Variants in SORCS2 observed in about 807,000 individuals in gnomAD.
SORCS2 encodes VPS10 domain-containing receptor SorCS2.
SORCS2 carries 100 observed loss-of-function variants against 141.6 expected under a neutral mutation model. That is an observed-to-expected ratio of 0.71 (90% CI 0.60 to 0.83). The LOEUF is 0.83. Among genes scored for constraint, SORCS2 ranks in the 40% least tolerant of loss-of-function variants. The probability of loss-of-function intolerance (pLI) is 0.00; values close to 1 mark genes in which losing one functional copy is unlikely to be tolerated. For missense variants in SORCS2, 1,646 were observed against 1,560.2 expected, an observed-to-expected ratio of 1.05 and a Z score of -0.93; for synonymous variants, 789 against 676.9, an observed-to-expected ratio of 1.17 and a Z score of -2.57.
Position 7,193,073 on chromosome 4 carries a change from G to A in SORCS2, c.427G>A (p.Gly143Arg). The A allele has an allele frequency of 6.4e-7, 1 of 1,559,968 alleles. No individual in the cohort carries two copies. The highest frequency in any genetic ancestry group is 8.6e-7 in the Non-Finnish European group (1 of 1,162,914). Reference sequence around the variant, plus strand: ...CATCAGCACGTCGTTCGTGCTCAAGGGGGACGCGACGCACAACCAGGCGAT... The same window carrying A: ...CATCAGCACGTCGTTCGTGCTCAAGAGGGACGCGACGCACAACCAGGCGAT... ...SLISTSFVLK[G>R]DATHNQAMVH... The change falls in exon 1 of 27, where the codon GGG (glycine) becomes AGG (arginine). Residue 143 changes from glycine (G) to arginine (R), a missense_variant. Coordinates refer to ENST00000507866, the MANE Select transcript of SORCS2 (RefSeq NM_020777.3). This position sits in a 1 kb window ranked among gnomAD's most constrained non-coding sequence, Gnocchi z 4.8.
At chr4:7,426,814 A>G (rs1726474101) in intron 2 of SORCS2, among the ~76,000 whole-genome samples, 1 of 152,104 alleles carries the variant, frequency 6.6e-6, no homozygotes, top group African/African-American at 2.4e-5. Context: ...GCCCTCCCGC[A>G]CCGGCAGTGA....
chr4:7,319,095 C>G (rs1490707603), intron 1 of SORCS2, among the ~76,000 whole-genome samples: 1 of 152,158 alleles, frequency 6.6e-6, no homozygotes, highest in Non-Finnish European at 1.5e-5. Context: ...AGCAGTATTC[C>G]ATTGTATGAA....
chr4:7,707,190 G>A (rs1725528557), intron 14 of SORCS2, among the ~76,000 whole-genome samples: 1 of 152,200 alleles, frequency 6.6e-6, no homozygotes, highest in Non-Finnish European at 1.5e-5. Flanking sequence ...CGTTTATTGA[G>A]CACCTATTAT....
intron 3 of SORCS2, among the ~76,000 whole-genome samples, chr4:7,569,486 T>A (rs1274189403): frequency 6.6e-6 from 1 of 152,148 alleles, no homozygotes; most frequent in Non-Finnish European, 1.5e-5. Context: ...CACTCCAGCC[T>A]GGGGGACAGA....
intron 1 of SORCS2, among the ~76,000 whole-genome samples, chr4:7,387,969 TAC>T (rs1209436104): frequency 1.2e-5 from 1 of 84,308 alleles, no homozygotes; most frequent in Middle Eastern, 7.0e-3. Context: ...CACACACAGA[TAC>T]ACAGAGATAC....
chr4:7,526,124 T>C (rs1426846954), intron 2 of SORCS2, among the ~76,000 whole-genome samples: 2 of 152,260 alleles, frequency 1.3e-5, no homozygotes. Context: ...GCTATGCAGG[T>C]GCCACGACCC....
intron 3 of SORCS2, among the ~76,000 whole-genome samples, chr4:7,617,869 C>T (rs965753344): frequency 4.6e-5 from 7 of 152,124 alleles, no homozygotes; most frequent in South Asian, 2.1e-4. Flanking sequence ...AGCCGCCTAC[C>T]GGTGCCGCCC....
At chr4:7,240,101 T>C (rs1712586720) in intron 1 of SORCS2, among the ~76,000 whole-genome samples, 1 of 151,880 alleles carries the variant, frequency 6.6e-6, no homozygotes, top group Admixed American at 6.6e-5. Context: ...CCTGGGAGAG[T>C]CCACCTGACG....
At position 7,510,605 on chromosome 4, in the gene SORCS2, C is replaced by T. The variant is rs558092944; in HGVS notation, c.549-20925C>T. Reference sequence around the variant, plus strand: ...GGCCAGCGGCTTGTTCTGTGCGCGGCATGTCCAGGAAATGCCACCCCGGGG... The same window carrying T: ...GGCCAGCGGCTTGTTCTGTGCGCGGTATGTCCAGGAAATGCCACCCCGGGG... On this transcript the variant is annotated intron_variant, in intron 2 of 26. Coordinates refer to ENST00000507866, the MANE Select transcript of SORCS2 (RefSeq NM_020777.3). 2.8e-4 allele frequency among the ~76,000 whole-genome samples: 43 copies of T among 151,056 alleles called. No individual in the cohort carries two copies. The South Asian group carries it at 8.8e-3, about 31-fold the overall frequency.
intron 10 of SORCS2, among the ~76,000 whole-genome samples, chr4:7,687,946 G>A (rs770192987): frequency 6.6e-6 from 1 of 152,108 alleles, no homozygotes; most frequent in South Asian, 2.1e-4. Flanking sequence ...CCCTGCTCCG[G>A]GCATTGCTCA....
At chr4:7,441,616 C>T (rs1049441035) in intron 2 of SORCS2, among the ~76,000 whole-genome samples, 10 of 151,808 alleles carry the variant, frequency 6.6e-5, no homozygotes. Flanking sequence ...GATCATCATC[C>T]ACCCCTTCCT....
At chr4:7,418,677 G>A (rs1725847067) in intron 2 of SORCS2, among the ~76,000 whole-genome samples, 1 of 148,190 alleles carries the variant, frequency 6.7e-6, no homozygotes, top group African/African-American at 2.5e-5. Flanking sequence ...TGATATATCA[G>A]TTAGCTTTTG....
chr4:7,631,621 A>G lies in SORCS2; in HGVS notation c.649-6707A>G, dbSNP rs183424340. On this transcript the variant is annotated intron_variant, in intron 3 of 26. Coordinates refer to ENST00000507866, the MANE Select transcript of SORCS2 (RefSeq NM_020777.3). ...GTACACCTCTCAGACCTACTCGGTG[A>G]TGTTTCTGTCTGCTGTGACCCCCCC... Among the ~76,000 whole-genome samples, 263 of 151,892 alleles carry G rather than the reference A, an allele frequency of 1.7e-3. 2 individuals are homozygous for G. The highest frequency in any genetic ancestry group is 6.1e-3 in the African/African-American group (252 of 41,294).
chr4:7,395,144 C>T (rs920899779), intron 1 of SORCS2, among the ~76,000 whole-genome samples: 3 of 140,372 alleles, frequency 2.1e-5, no homozygotes, highest in African/African-American at 8.0e-5. Context: ...CTGTAAGATG[C>T]ACACTGTCCC....
chr4:7,290,500 C>T (rs2108876526), intron 1 of SORCS2, among the ~76,000 whole-genome samples: 1 of 152,290 alleles, frequency 6.6e-6, no homozygotes, highest in East Asian at 1.9e-4. Context: ...ATGCTGCCAA[C>T]AGAATCCTCC....
intron 1 of SORCS2, among the ~76,000 whole-genome samples, chr4:7,323,874 G>A (rs1046369088): frequency 2.6e-5 from 4 of 152,002 alleles, no homozygotes; most frequent in African/African-American, 9.7e-5. Context: ...CGTCATTCCA[G>A]CTTCAGTTAT....
At chr4:7,275,501 G>A (rs990544890) in intron 1 of SORCS2, among the ~76,000 whole-genome samples, 2 of 152,192 alleles carry the variant, frequency 1.3e-5, no homozygotes, top group Non-Finnish European at 2.9e-5. Flanking sequence ...GGGTAAAGGG[G>A]CGACTTTGTA....
At chr4:7,498,159 G>T (rs1731747698) in intron 2 of SORCS2, among the ~76,000 whole-genome samples, 1 of 152,166 alleles carries the variant, frequency 6.6e-6, no homozygotes, top group Non-Finnish European at 1.5e-5. Flanking sequence ...AAGGATTGGG[G>T]TTCCTCCTAG....
intron 3 of SORCS2, among the ~76,000 whole-genome samples, chr4:7,578,651 G>A (rs1715933506): frequency 6.6e-6 from 1 of 152,238 alleles, no homozygotes; most frequent in Non-Finnish European, 1.5e-5. Context: ...TTGAGTGCCT[G>A]CGCAGCTGGG....
Sources: allele counts gnomAD v4.1 joint callset (sites outside exome capture counted in the v4.1 genomes callset), GRCh38; gene constraint gnomAD v4.1.1; non-coding constraint Gnocchi (gnomAD v3.1); transcripts MANE v1.5; gene names NCBI Gene and HGNC (gene_info 2026-07-23, HGNC 2026-07-21).